The following HDHD5 variants were observed in gnomAD, a reference collection of about 807,000 sequenced individuals.
The protein encoded by HDHD5 is haloacid dehalogenase-like hydrolase domain-containing 5.
HDHD5 carries 34 observed loss-of-function variants against 35.5 expected under a neutral mutation model. The ratio of observed to expected loss-of-function variants is 0.96; its 90% CI spans 0.73 to 1.28. HDHD5 has a LOEUF of 1.28. Ranked by LOEUF, HDHD5 falls within the 50% of genes most tolerant of loss-of-function variation. The pLI is 0.00. For synonymous variants in HDHD5, 248 were observed against 240.6 expected, an observed-to-expected ratio of 1.03 and a Z score of -0.29; for missense variants, 589 against 560.2, an observed-to-expected ratio of 1.05 and a Z score of -0.52.
Position 17,155,186 on chromosome 22 carries a change from A to G in HDHD5, c.126+3940T>C, listed in dbSNP as rs1295174202. ...ACAATGGTTGCAAAATTTACCATAC[A>G]TAGTTTTAACGGTCATTGCCTAAAC... On this transcript the variant is annotated intron_variant, in intron 1 of 7. Transcript: ENST00000336737. Among the ~76,000 whole-genome samples the G allele has an allele frequency of 3.3e-5, 5 of 151,476 alleles. No homozygotes were observed. The East Asian group carries it at 5.8e-4, about 18-fold the overall frequency.
intron 6 of HDHD5, among the ~76,000 whole-genome samples, chr22:17,138,966 G>C (rs1401209873): frequency 6.6e-6 from 1 of 152,220 alleles, no homozygotes; most frequent in Non-Finnish European, 1.5e-5. Flanking sequence ...CCAAGGCACA[G>C]CAAGATTAAG....
chr22:17,139,879 A>C (rs1029431869), intron 6 of HDHD5, among the ~76,000 whole-genome samples: 7 of 152,238 alleles, frequency 4.6e-5, no homozygotes, highest in African/African-American at 1.7e-4. Flanking sequence ...AGTGTCATTT[A>C]TGTAAATAAT....
intron 6 of HDHD5, among the ~76,000 whole-genome samples, chr22:17,140,050 G>A (rs2123848301): frequency 6.6e-6 from 1 of 152,282 alleles, no homozygotes; most frequent in East Asian, 1.9e-4. Flanking sequence ...CAAGCCTCGA[G>A]CCACAGACAT....
At chr22:17,164,244 A>T, upstream of HDHD5, among the ~76,000 whole-genome samples, 1 of 148,870 alleles carries the variant, frequency 6.7e-6, no homozygotes, top group South Asian at 2.1e-4. Context: ...AAAAAAAAAA[A>T]GCAATAGGTG....
chr22:17,141,548 C>T, intron 5 of HDHD5: 1 of 1,170,806 alleles, frequency 8.5e-7, no homozygotes, highest in Non-Finnish European at 1.1e-6. Flanking sequence ...GACTCTGCCA[C>T]CACATTCTCC....
At chr22:17,142,914 G>C (rs1276970418) in intron 5 of HDHD5, 184 bp downstream of exon 5, 1 of 583,276 alleles carries the variant, frequency 1.7e-6, no homozygotes, top group African/African-American at 2.0e-5. Context: ...GTGGCATGGG[G>C]AAGGAAAGAC....
intron 3 of HDHD5, among the ~76,000 whole-genome samples, chr22:17,146,031 T>C (rs1457180863): frequency 1.3e-5 from 2 of 152,100 alleles, no homozygotes; most frequent in Non-Finnish European, 2.9e-5. Flanking sequence ...AAAATCCTGA[T>C]TCTATCAGAT....
At chr22:17,161,578 G>C (rs1262213903), upstream of HDHD5, among the ~76,000 whole-genome samples, 1 of 149,024 alleles carries the variant, frequency 6.7e-6, no homozygotes, top group Non-Finnish European at 1.5e-5. Context: ...AAAAAAAAAA[G>C]CTGGAGTTGG....
At chr22:17,159,285 G>GC (rs2061842116), upstream of HDHD5, 5 of 1,146,928 alleles carry the variant, frequency 4.4e-6, no homozygotes, top group East Asian at 5.7e-5. Flanking sequence ...CACGGCGTGC[G>GC]GCCCCCCCCC....
At chr22:17,145,002 C>T (rs1389747318) in intron 4 of HDHD5, 22 bp downstream of exon 4, 2 of 1,613,254 alleles carry the variant, frequency 1.2e-6, no homozygotes, top group Non-Finnish European at 1.7e-6. Context: ...GAAGACACAG[C>T]CCAACCCATG....
intron 3 of HDHD5, among the ~76,000 whole-genome samples, chr22:17,147,725 G>A (rs1381585320): frequency 6.4e-5 from 7 of 110,044 alleles, no homozygotes; most frequent in Non-Finnish European, 3.6e-5. Context: ...CACCTGTGGC[G>A]CCCTCCTGTG....
intron 6 of HDHD5, among the ~76,000 whole-genome samples, chr22:17,140,546 C>T (rs1378512627): frequency 6.6e-6 from 1 of 152,148 alleles, no homozygotes; most frequent in Non-Finnish European, 1.5e-5. Context: ...GACTGCACCA[C>T]TGCACTCCAG....
At chr22:17,144,057 C>A (rs1455754179) in intron 4 of HDHD5, among the ~76,000 whole-genome samples, 1 of 152,220 alleles carries the variant, frequency 6.6e-6, no homozygotes, top group African/African-American at 2.4e-5. Flanking sequence ...CAAGCTACCT[C>A]TCCCGAGGGC....
chr22:17,142,904 G>C lies in HDHD5; in HGVS notation c.571+194C>G, dbSNP rs2061614717. ...GCTTACGGTTTTCCTGGAATAGTGA[G>C]TGGCATGGGGAAGGAAAGACTAACA... On this transcript the variant is annotated intron_variant, in intron 5 of 7. Transcript: ENST00000336737. 7.2e-6 allele frequency: 4 copies of C among 558,112 alleles called. No homozygotes were observed. In the Admixed American group the frequency reaches 1.2e-4, roughly 17 times the overall value. 34.6% of individuals were successfully genotyped at this position (558,112 alleles called of 1,614,324 possible). A position where few individuals can be genotyped will look rare whatever the true frequency, so the allele number is the denominator to read the frequency against.
intron 1 of HDHD5, among the ~76,000 whole-genome samples, chr22:17,152,242 T>C (rs1420500541): frequency 6.6e-6 from 1 of 151,870 alleles, no homozygotes; most frequent in Non-Finnish European, 1.5e-5. Flanking sequence ...GAAAAAAATT[T>C]GGCTGCAGAG....
intron 1 of HDHD5, among the ~76,000 whole-genome samples, chr22:17,155,326 A>G (rs923570365): frequency 1.3e-5 from 2 of 151,158 alleles, no homozygotes; most frequent in Admixed American, 6.6e-5. Context: ...ACTCACTACA[A>G]CCTCTGCCTC....
At chr22:17,145,271 C>G in intron 3 of HDHD5, 154 bp from the exon 4 acceptor site, 1 of 818,740 alleles carries the variant, frequency 1.2e-6, no homozygotes, top group African/African-American at 1.9e-5. Flanking sequence ...ACAAATCCTG[C>G]AGGTGCTGGC....
At chr22:17,157,218 T>A (rs887417420) in intron 1 of HDHD5, among the ~76,000 whole-genome samples, 4 of 151,988 alleles carry the variant, frequency 2.6e-5, no homozygotes, top group African/African-American at 9.7e-5. Context: ...GAGTAAAAAA[T>A]TTTAAAAATT....
chr22:17,142,377 A>G (rs1167385629), intron 5 of HDHD5: 1 of 152,270 alleles, frequency 6.6e-6, no homozygotes, highest in Non-Finnish European at 1.5e-5. Context: ...TTCAATAAAC[A>G]TCAATTTTTC....
Sources: allele counts gnomAD v4.1 joint callset (sites outside exome capture counted in the v4.1 genomes callset), GRCh38; gene constraint gnomAD v4.1.1; transcripts MANE v1.5; gene names NCBI Gene and HGNC (gene_info 2026-07-23, HGNC 2026-07-21).